The following PACRG variants were observed in gnomAD, a reference collection of about 807,000 sequenced individuals.
PACRG encodes parkin coregulated gene protein.
In PACRG, 29 loss-of-function variants were observed where a neutral mutation model predicts 29.7. The ratio of observed to expected loss-of-function variants is 0.98; its 90% CI spans 0.73 to 1.33. The LOEUF is 1.33. Ranked by LOEUF, PACRG falls within the 40% of genes most tolerant of loss-of-function variation. The pLI, the probability that PACRG is intolerant of heterozygous loss-of-function variation, is 0.00. For synonymous variants in PACRG, 116 were observed against 118.7 expected (o/e 0.98, Z 0.15); for missense variants, 279 against 316.2 (o/e 0.88, Z 0.89).
intron 2 of PACRG, among the ~76,000 whole-genome samples, chr6:162,851,492 C>T (rs569089994): frequency 1.1e-3 from 160 of 152,306 alleles, no homozygotes; most frequent in African/African-American, 3.6e-3. Context: ...AATGTAATTT[C>T]TAGTGAAATA....
At chr6:162,935,074 T>TTGTATGTGATTGGA (rs1798136056) in intron 2 of PACRG, among the ~76,000 whole-genome samples, 1 of 152,188 alleles carries the variant, frequency 6.6e-6, no homozygotes, top group East Asian at 1.9e-4. Flanking sequence ...GGGGATTCTC[T>TTGTATGTGATTGGA]TGTATGTGAT....
At chr6:162,729,697 A>C (rs1274768336) in intron 1 of PACRG, among the ~76,000 whole-genome samples, 1 of 151,870 alleles carries the variant, frequency 6.6e-6, no homozygotes, top group East Asian at 1.9e-4. Flanking sequence ...GATGTTTTTT[A>C]ATGTTATACT....
chr6:162,808,715 C>T (rs1235169656), intron 1 of PACRG, among the ~76,000 whole-genome samples: 4 of 152,182 alleles, frequency 2.6e-5, no homozygotes, highest in African/African-American at 9.6e-5. Flanking sequence ...AACATCCATT[C>T]TTCCCAATTG....
chr6:162,811,355 G>A (rs1340458703), intron 1 of PACRG, among the ~76,000 whole-genome samples: 1 of 152,064 alleles, frequency 6.6e-6, no homozygotes, highest in East Asian at 1.9e-4. Flanking sequence ...AAAAACACAA[G>A]CAATTCTACA....
intron 4 of PACRG, among the ~76,000 whole-genome samples, chr6:163,099,567 A>C (rs1016780341): frequency 2.0e-5 from 3 of 152,188 alleles, no homozygotes; most frequent in African/African-American, 7.2e-5. Flanking sequence ...AATATCACCT[A>C]TTCTGGATTT....
intron 4 of PACRG, among the ~76,000 whole-genome samples, chr6:163,228,148 A>AT (rs113663992): frequency 4.6e-5 from 7 of 151,272 alleles, no homozygotes; most frequent in East Asian, 1.9e-4. Flanking sequence ...CAAGAAAATT[A>AT]TTTTTTTTTC....
intron 2 of PACRG, among the ~76,000 whole-genome samples, chr6:163,038,082 G>T (rs369159830): frequency 6.6e-6 from 1 of 152,162 alleles, no homozygotes; most frequent in African/African-American, 2.4e-5. Context: ...GCTGATGTAT[G>T]TACTGTTATC....
At chr6:162,806,963 A>T (rs893407523) in intron 1 of PACRG, among the ~76,000 whole-genome samples, 8 of 152,214 alleles carry the variant, frequency 5.3e-5, no homozygotes, top group Non-Finnish European at 1.0e-4. Context: ...TCTTAGGTAG[A>T]TCTTCTGGAA....
At chr6:163,076,437 G>A (rs1812548453) in intron 3 of PACRG, among the ~76,000 whole-genome samples, 1 of 152,048 alleles carries the variant, frequency 6.6e-6, no homozygotes, top group African/African-American at 2.4e-5. Context: ...CAGTTTACCT[G>A]CTTTCTGCTG....
At chr6:163,240,671 G>A (rs989130771) in intron 4 of PACRG, among the ~76,000 whole-genome samples, 1 of 152,130 alleles carries the variant, frequency 6.6e-6, no homozygotes, top group Non-Finnish European at 1.5e-5. Context: ...GCACATACGC[G>A]GTGGGGCCTC....
intron 4 of PACRG, among the ~76,000 whole-genome samples, chr6:163,267,107 G>A (rs560503853): frequency 6.6e-6 from 1 of 152,096 alleles, no homozygotes; most frequent in Non-Finnish European, 1.5e-5. Context: ...AGGGAAAAAT[G>A]CTCCACGTAA....
At chr6:163,077,202 A>G (rs1812625363) in intron 3 of PACRG, among the ~76,000 whole-genome samples, 1 of 152,190 alleles carries the variant, frequency 6.6e-6, no homozygotes, top group Non-Finnish European at 1.5e-5. Context: ...TGGTGAGAGT[A>G]CATTTCTGTT....
At chr6:163,058,911 A>G (rs980675983) in intron 2 of PACRG, among the ~76,000 whole-genome samples, 3 of 151,560 alleles carry the variant, frequency 2.0e-5, no homozygotes, top group African/African-American at 7.3e-5. Flanking sequence ...AAAAACAAAC[A>G]AACAAACAAA....
intron 4 of PACRG, among the ~76,000 whole-genome samples, chr6:163,250,670 C>A (rs1406052004): frequency 6.6e-6 from 1 of 152,082 alleles, no homozygotes; most frequent in South Asian, 2.1e-4. Context: ...TGGGTATCTA[C>A]CCAGAGGGAA....
chr6:162,971,930 G>A (rs1479636321), intron 2 of PACRG, among the ~76,000 whole-genome samples: 2 of 152,040 alleles, frequency 1.3e-5, no homozygotes, highest in African/African-American at 2.4e-5. Context: ...GTGTCTCTTC[G>A]TCCACTCTGT....
At chr6:162,854,576 A>G (rs768384611) in intron 2 of PACRG, among the ~76,000 whole-genome samples, 17 of 152,222 alleles carry the variant, frequency 1.1e-4, no homozygotes, top group Admixed American at 8.5e-4. Flanking sequence ...TTTCTCTCCA[A>G]AAAGAAATTA....
At chr6:163,079,353 A>C (rs1194791030) in intron 3 of PACRG, among the ~76,000 whole-genome samples, 2 of 151,748 alleles carry the variant, frequency 1.3e-5, no homozygotes, top group Non-Finnish European at 2.9e-5. Context: ...AGGGCTGTAC[A>C]GGCTGGTACC....
chr6:162,889,598 AT>A (rs1220961434), intron 2 of PACRG, among the ~76,000 whole-genome samples: 1 of 152,198 alleles, frequency 6.6e-6, no homozygotes, highest in Non-Finnish European at 1.5e-5. Flanking sequence ...GTCTTCTGTG[AT>A]TATACAGCAT....
chr6:163,164,877 G>A (rs1417715567), intron 4 of PACRG, among the ~76,000 whole-genome samples: 1 of 152,216 alleles, frequency 6.6e-6, no homozygotes, highest in African/African-American at 2.4e-5. Flanking sequence ...TCCTGGCAGA[G>A]CTCCTGTGGT....
Sources: gnomAD v4.1 joint callset for allele counts (sites outside exome capture counted in the v4.1 genomes callset) on GRCh38, gnomAD v4.1.1 for gene constraint, MANE v1.5 for transcripts, NCBI Gene and HGNC (gene_info 2026-07-23, HGNC 2026-07-21) for gene names.